Variants in ENPP6 observed in about 807,000 individuals in gnomAD.
ENPP6 encodes ectonucleotide pyrophosphatase/phosphodiesterase 6.
Under a neutral mutation model 42.0 loss-of-function variants are expected in ENPP6, and 32 were observed. That is an observed-to-expected ratio of 0.76 (90% confidence interval 0.58 to 1.02). The LOEUF (loss-of-function observed/expected upper bound fraction) is 1.02. Ranked by LOEUF, ENPP6 falls within the 50% of genes least tolerant of loss-of-function variation. The pLI, the probability that ENPP6 is intolerant of heterozygous loss-of-function variation, is 0.00. For missense variants in ENPP6, 552 were observed against 566.8 expected, an observed-to-expected ratio of 0.97 and a Z score of 0.27; for synonymous variants, 213 against 216.0, an observed-to-expected ratio of 0.99 and a Z score of 0.12.
At chr4:184,097,123 G>T in intron 7 of ENPP6, 122 bp downstream of exon 7, 1 of 1,447,292 alleles carries the variant, frequency 6.9e-7, no homozygotes, top group Non-Finnish European at 9.4e-7. Flanking sequence ...GGTTTGCTCT[G>T]CTTGGCTCAT....
rs141055849 is a variant in ENPP6 at position 184,199,768 on chromosome 4, G to A, written c.241+17811C>T. On this transcript the variant is annotated intron_variant, in intron 1 of 7. Coordinates refer to ENST00000296741, the MANE Select transcript of ENPP6 (RefSeq NM_153343.4). ...TTTCTTCATATGTACAAAACAGGTC[G>A]AATTGGAGCTACTGTGATCATAAAA... Among the ~76,000 whole-genome samples the A allele has an allele frequency of 1.9e-3, 291 of 152,278 alleles. 1 individual carries two copies. Among genetic ancestry groups the A allele is most frequent in the Admixed American group, 3.3e-3 (50 of 15,304 alleles).
At position 184,193,679 on chromosome 4, in the gene ENPP6, T is replaced by G. The variant is rs566272634; in HGVS notation, c.241+23900A>C. On this transcript the variant is annotated intron_variant, in intron 1 of 7. Coordinates refer to ENST00000296741, the MANE Select transcript of ENPP6 (RefSeq NM_153343.4). ...AATCATTTTAAAAGATCAGTTGAGATCACCACTATAGATCCATATATGGGA... is the reference window on the plus strand; with the variant it reads ...AATCATTTTAAAAGATCAGTTGAGAGCACCACTATAGATCCATATATGGGA... Among the ~76,000 whole-genome samples, 28 of 152,300 alleles carry G rather than the reference T, an allele frequency of 1.8e-4. No homozygotes were observed. In the East Asian group the frequency reaches 4.6e-3, roughly 25 times the overall value.
chr4:184,096,622 C>T (rs1458501430), intron 7 of ENPP6, among the ~76,000 whole-genome samples: 1 of 151,920 alleles, frequency 6.6e-6, no homozygotes, highest in Non-Finnish European at 1.5e-5. Context: ...CCAGATAGGC[C>T]CTCTCCATCT....
chr4:184,131,260 C>CTCT (rs1560987499), intron 2 of ENPP6, among the ~76,000 whole-genome samples: 716 of 7,468 alleles, frequency 0.096, 44 homozygotes, highest in Middle Eastern at 0.19. Flanking sequence ...TTCTCTTTCT[C>CTCT]TTCCTTCCTT....
chr4:184,108,337 G>T (rs573198913), intron 6 of ENPP6, among the ~76,000 whole-genome samples: 1 of 152,192 alleles, frequency 6.6e-6, no homozygotes. Context: ...AAACGTCATC[G>T]CATGCACTGT....
At chr4:184,161,009 A>G (rs1737249225) in intron 1 of ENPP6, among the ~76,000 whole-genome samples, 1 of 152,228 alleles carries the variant, frequency 6.6e-6, no homozygotes, top group South Asian at 2.1e-4. Context: ...ATGACAGAGA[A>G]CACAAAAACA....
intron 6 of ENPP6, among the ~76,000 whole-genome samples, chr4:184,110,038 G>T (rs566684274): frequency 6.6e-6 from 1 of 152,104 alleles, no homozygotes; most frequent in Non-Finnish European, 1.5e-5. Flanking sequence ...AGTACGGGAC[G>T]GAAGGATTAG....
chr4:184,157,774 A>ATTTTTTTTTTTT (rs34358499), intron 1 of ENPP6, among the ~76,000 whole-genome samples: 5 of 122,356 alleles, frequency 4.1e-5, no homozygotes, highest in African/African-American at 6.3e-5. Flanking sequence ...AACTTGGCTA[A>ATTTTTTTTTTTT]TTTTTTTTTT....
intron 1 of ENPP6, among the ~76,000 whole-genome samples, chr4:184,154,308 G>A (rs535920719): frequency 1.3e-5 from 2 of 152,196 alleles, no homozygotes; most frequent in Non-Finnish European, 2.9e-5. Context: ...ATACAGAAAC[G>A]AGGGCTGGTT....
In ENPP6 at chr4:184,215,092, C is replaced by A. The variant is rs577117637; in HGVS notation, c.241+2487G>T. ...GCCTGATGCAGCCCCGGCAGTTCAT[C>A]TCATTTTATTTTGCCTGAAGTCTCC... On this transcript the variant is annotated intron_variant, in intron 1 of 7. Transcript: ENST00000296741. 3.3e-5 allele frequency among the ~76,000 whole-genome samples: 5 copies of A among 152,304 alleles called. No homozygotes were observed. In the South Asian group the frequency reaches 1.0e-3, roughly 32 times the overall value.
intron 2 of ENPP6, among the ~76,000 whole-genome samples, chr4:184,143,883 T>C (rs6827836): frequency 0.71 from 108,824 of 152,220 alleles, 39,421 homozygotes; most frequent in African/African-American, 0.81. Context: ...ACACTGTAGC[T>C]GAACAGGAGG....
chr4:184,142,881 G>A (rs1244281067), intron 2 of ENPP6, among the ~76,000 whole-genome samples: 12 of 152,168 alleles, frequency 7.9e-5, no homozygotes. Flanking sequence ...CAGGGTCAGC[G>A]ACTGCACTTC....
chr4:184,141,579 G>A (rs186961139), intron 2 of ENPP6, among the ~76,000 whole-genome samples: 14 of 152,168 alleles, frequency 9.2e-5, no homozygotes, highest in African/African-American at 3.1e-4. Context: ...AGGGAACATC[G>A]CAGGGAAATG....
intron 2 of ENPP6, among the ~76,000 whole-genome samples, chr4:184,145,516 G>A (rs954404086): frequency 1.2e-4 from 19 of 152,222 alleles, no homozygotes; most frequent in African/African-American, 4.6e-4. Flanking sequence ...CACGCGTTGT[G>A]CTGTGATGCG....
At position 184,167,722 on chromosome 4, in the gene ENPP6, A is replaced by G. The variant is rs531455959; in HGVS notation, c.242-13989T>C. Among the ~76,000 whole-genome samples, 4 of 152,318 alleles carry G rather than the reference A, an allele frequency of 2.6e-5. No individual in the cohort carries two copies. The South Asian group carries it at 8.3e-4, about 32-fold the overall frequency. ...CTGCCCAAGTTCACGGCCTCGGGCC[A>G]GGTGCGCCCATAGAGAAGTGAGAGC... On this transcript the variant is annotated intron_variant, in intron 1 of 7. Transcript: ENST00000296741.
chr4:184,111,667 C>T (rs1278214351), intron 6 of ENPP6, among the ~76,000 whole-genome samples: 1 of 152,272 alleles, frequency 6.6e-6, no homozygotes, highest in Non-Finnish European at 1.5e-5. Context: ...AATCTGCTCT[C>T]TTCTCAGTTC....
At chr4:184,212,533 G>A (rs978168995) in intron 1 of ENPP6, among the ~76,000 whole-genome samples, 4 of 150,972 alleles carry the variant, frequency 2.6e-5, no homozygotes, top group Non-Finnish European at 5.9e-5. Flanking sequence ...CACTTACAAG[G>A]GATGTGAAGG....
intron 1 of ENPP6, among the ~76,000 whole-genome samples, chr4:184,199,831 C>T (rs1213123027): frequency 6.6e-6 from 1 of 152,236 alleles, no homozygotes; most frequent in Non-Finnish European, 1.5e-5. Flanking sequence ...GGAGCCCACC[C>T]CAGTCCCCCC....
At chr4:184,188,298 C>A (rs770537423) in intron 1 of ENPP6, among the ~76,000 whole-genome samples, 1 of 152,090 alleles carries the variant, frequency 6.6e-6, no homozygotes, top group African/African-American at 2.4e-5. Flanking sequence ...CGGAGGTTGG[C>A]GTCTGTGGGG....
Sources: allele counts gnomAD v4.1 joint callset (sites outside exome capture counted in the v4.1 genomes callset), GRCh38; gene constraint gnomAD v4.1.1; transcripts MANE v1.5; gene names NCBI Gene and HGNC (gene_info 2026-07-23, HGNC 2026-07-21).